FNIP2: variants seen among roughly 807,000 people sequenced by gnomAD.
The protein encoded by FNIP2 is folliculin interacting protein 2.
In FNIP2, 32 loss-of-function variants were observed where a neutral mutation model predicts 108.7. The ratio of observed to expected loss-of-function variants is 0.29; its 90% CI spans 0.22 to 0.40. FNIP2 has a LOEUF of 0.40. Ranked by LOEUF, FNIP2 falls within the 10% of genes least tolerant of loss-of-function variation. FNIP2 has a pLI of 1.00. For missense variants in FNIP2, 1,202 were observed against 1,381.6 expected (o/e 0.87, Z 2.06); for synonymous variants, 480 against 496.7 (o/e 0.97, Z 0.45).
chr4:158,798,122 T>G (rs1215270704), intron 1 of FNIP2, among the ~76,000 whole-genome samples: 2 of 152,134 alleles, frequency 1.3e-5, no homozygotes, highest in African/African-American at 4.8e-5. Context: ...CAAAGCGCAG[T>G]GGTGTGATTA....
At chr4:158,822,543 G>A (rs1777942389) in intron 1 of FNIP2, among the ~76,000 whole-genome samples, 1 of 152,130 alleles carries the variant, frequency 6.6e-6, no homozygotes, top group Non-Finnish European at 1.5e-5. Flanking sequence ...CAAGACCAGA[G>A]TCGGAGTGCA....
chr4:158,855,138 A>G (rs1779912945), intron 8 of FNIP2, among the ~76,000 whole-genome samples: 2 of 152,190 alleles, frequency 1.3e-5, no homozygotes, highest in African/African-American at 4.8e-5. Flanking sequence ...TTCAGTTCAA[A>G]GTACTCAGCA....
chr4:158,843,558 C>G (rs1317432748), intron 7 of FNIP2, among the ~76,000 whole-genome samples: 2 of 152,152 alleles, frequency 1.3e-5, no homozygotes, highest in East Asian at 3.9e-4. Context: ...TAGGCAACCA[C>G]TTACCACTGA....
chr4:158,859,276 C>A lies in FNIP2; in HGVS notation c.1059+18C>A. On this transcript the variant is annotated intron_variant, in intron 9 of 16. Transcript: ENST00000264433. ...TTGAAAAGGTAATAAGGATGTAATC[C>A]AAAGTCAAATAGAGAAGTGATTGTG... The A allele has an allele frequency of 6.3e-7, 1 of 1,582,684 alleles. No individual in the cohort carries two copies. The highest frequency in any genetic ancestry group is 8.6e-7 in the Non-Finnish European group (1 of 1,162,074).
chr4:158,858,566 A>G (rs1176446807), intron 8 of FNIP2, among the ~76,000 whole-genome samples: 1 of 152,178 alleles, frequency 6.6e-6, no homozygotes, highest in Non-Finnish European at 1.5e-5. Context: ...CATATGGCTT[A>G]ATCTGAGCAT....
chr4:158,880,354 A>G (rs1185364734), intron 14 of FNIP2, among the ~76,000 whole-genome samples: 1 of 152,152 alleles, frequency 6.6e-6, no homozygotes, highest in Non-Finnish European at 1.5e-5. Flanking sequence ...CAGAAAACCA[A>G]ACACCGCATG....
chr4:158,896,777 G>A (rs1164855280), intron 16 of FNIP2, among the ~76,000 whole-genome samples: 3 of 132,184 alleles, frequency 2.3e-5, no homozygotes, highest in East Asian at 4.4e-4. Context: ...TCTCTTTGTC[G>A]TTTTTTTTTT....
intron 7 of FNIP2, among the ~76,000 whole-genome samples, chr4:158,846,698 C>T (rs755489026): frequency 6.6e-6 from 1 of 152,126 alleles, no homozygotes; most frequent in Non-Finnish European, 1.5e-5. Context: ...AAAAGCGTAA[C>T]AAATGATTTA....
intron 3 of FNIP2, among the ~76,000 whole-genome samples, chr4:158,831,460 T>C (rs1778478215): frequency 1.3e-5 from 2 of 152,244 alleles, no homozygotes; most frequent in South Asian, 4.1e-4. Context: ...GTTAATTATT[T>C]GGCTGAATAA....
rs574882616 is a variant in FNIP2 at position 158,829,114 on chromosome 4, G to A, written c.270G>A (p.Lys90=). Residue 90 remains lysine (K), a synonymous_variant, in exon 3 of 17, where the codon AAG becomes AAA. Coordinates refer to ENST00000264433, the MANE Select transcript of FNIP2 (RefSeq NM_020840.3). ...TEDVPIKISA[K]CCQGSSSVSS... ...ATGTTCCTATTAAAATATCAGCCAA[G>A]TGCTGCCAGGGAAGCAGCAGTGTCA... 6.2e-7 allele frequency: 1 copy of A among 1,612,022 alleles called. No homozygotes were observed. Among genetic ancestry groups the A allele is most frequent in the Non-Finnish European group, 8.5e-7 (1 of 1,179,022 alleles).
Position 158,893,812 on chromosome 4 carries a change from AC to A in FNIP2, c.3151-1937del, listed in dbSNP as rs1239862319. On this transcript the variant is annotated intron_variant, in intron 15 of 16. Coordinates refer to ENST00000264433, the MANE Select transcript of FNIP2 (RefSeq NM_020840.3). The stretch of plus-strand genomic sequence containing the variant: ...CATTCTATAATACATACGTCTTGTC[AC>A]AGTTGATATCTTGGTTATCAAAGCA... The A allele has an allele frequency of 3.0e-4, 234 of 787,596 alleles. 3 individuals carry two copies. The highest frequency in any genetic ancestry group is 2.7e-5 in the Non-Finnish European group (13 of 486,326). The allele number at this position is 787,596 out of a possible 1,614,324, so 48.8% of individuals were successfully genotyped here.
chr4:158,799,711 T>C (rs563939864), intron 1 of FNIP2, among the ~76,000 whole-genome samples: 3 of 152,308 alleles, frequency 2.0e-5, no homozygotes, highest in African/African-American at 4.8e-5. Flanking sequence ...TTATGTAATA[T>C]TTTGTTGCTG....
intron 6 of FNIP2, chr4:158,834,076 A>G (rs1213440894): frequency 3.4e-6 from 1 of 296,996 alleles, no homozygotes; most frequent in Non-Finnish European, 6.5e-6. Context: ...TCTCTTGTAA[A>G]TGTCTTCGCT....
At chr4:158,787,970 T>C (rs1235773045) in intron 1 of FNIP2, among the ~76,000 whole-genome samples, 1 of 152,210 alleles carries the variant, frequency 6.6e-6, no homozygotes, top group Non-Finnish European at 1.5e-5. Flanking sequence ...TTAACCTGAC[T>C]CACACTCCTA....
intron 14 of FNIP2, among the ~76,000 whole-genome samples, chr4:158,884,101 TA>T (rs1781882528): frequency 6.6e-6 from 1 of 152,144 alleles, no homozygotes; most frequent in Admixed American, 6.5e-5. Context: ...TTCATTGGGT[TA>T]AAAATAGATA....
chr4:158,899,387 T>C (rs1782992491), intron 16 of FNIP2, among the ~76,000 whole-genome samples: 2 of 152,216 alleles, frequency 1.3e-5, no homozygotes, highest in African/African-American at 4.8e-5. Flanking sequence ...TAGGCAGAAG[T>C]CCCTCTTTTT....
intron 8 of FNIP2, among the ~76,000 whole-genome samples, chr4:158,852,618 A>G (rs1179892677): frequency 6.6e-6 from 1 of 152,198 alleles, no homozygotes; most frequent in African/African-American, 2.4e-5. Context: ...AATGAGATAA[A>G]TCAAGTCCGG....
chr4:158,859,672 G>A lies in FNIP2; in HGVS notation c.1148+6G>A, dbSNP rs754179597. Reference sequence around the variant, plus strand: ...GAAGCTCTGGGAGAATTCAGGTAAAGTGGCAAAGTTTGGCAAATCCAACAG... The same window carrying A: ...GAAGCTCTGGGAGAATTCAGGTAAAATGGCAAAGTTTGGCAAATCCAACAG... On this transcript the variant is annotated splice_donor_region_variant and intron_variant, in intron 10 of 16. Coordinates refer to ENST00000264433, the MANE Select transcript of FNIP2 (RefSeq NM_020840.3). 2 of 1,611,694 alleles carry A rather than the reference G, an allele frequency of 1.2e-6. No individual in the cohort carries two copies. Among genetic ancestry groups the A allele is most frequent in the Non-Finnish European group, 1.7e-6 (2 of 1,178,690 alleles).
intron 16 of FNIP2, among the ~76,000 whole-genome samples, chr4:158,899,599 A>G (rs930290646): frequency 6.6e-6 from 1 of 152,212 alleles, no homozygotes; most frequent in African/African-American, 2.4e-5. Flanking sequence ...GTGCCCAGGA[A>G]TTTATCCATT....
Sources: allele counts gnomAD v4.1 joint callset (sites outside exome capture counted in the v4.1 genomes callset), GRCh38; gene constraint gnomAD v4.1.1; transcripts MANE v1.5; gene names NCBI Gene and HGNC (gene_info 2026-07-23, HGNC 2026-07-21).